Variants in CRPPA observed in about 807,000 individuals in gnomAD.
The protein encoded by CRPPA is D-ribitol-5-phosphate cytidylyltransferase.
A neutral mutation model predicts 52.0 loss-of-function variants in CRPPA; 43 were observed. The observed-to-expected ratio is 0.83, with a 90% CI of 0.65 to 1.07. The LOEUF is 1.07. CRPPA is among the 50% of genes least tolerant of loss of function. CRPPA has a pLI of 0.00. For synonymous variants in CRPPA, 250 were observed against 203.5 expected, an observed-to-expected ratio of 1.23 and a Z score of -1.94; for missense variants, 629 against 551.7, an observed-to-expected ratio of 1.14 and a Z score of -1.40.
At chr7:16,383,902 C>G (rs1182262688) in intron 2 of CRPPA, among the ~76,000 whole-genome samples, 1 of 152,190 alleles carries the variant, frequency 6.6e-6, no homozygotes, top group Admixed American at 6.5e-5. Context: ...GTCTGTCACC[C>G]CTTTCTTTGA....
intron 2 of CRPPA, among the ~76,000 whole-genome samples, chr7:16,400,070 G>A (rs1164085097): frequency 2.0e-5 from 3 of 152,084 alleles, no homozygotes; most frequent in African/African-American, 7.2e-5. Context: ...CACGTGATCG[G>A]CAACGTGTAT....
At chr7:16,319,533 T>C (rs1785213271) in intron 3 of CRPPA, among the ~76,000 whole-genome samples, 2 of 152,138 alleles carry the variant, frequency 1.3e-5, no homozygotes, top group African/African-American at 4.8e-5. Flanking sequence ...CTCCAATAGC[T>C]TTCTGTAGAG....
At chr7:16,118,798 A>G (rs1782428222) in intron 9 of CRPPA, among the ~76,000 whole-genome samples, 1 of 152,188 alleles carries the variant, frequency 6.6e-6, no homozygotes, top group Admixed American at 6.5e-5. Flanking sequence ...TATAAATCCT[A>G]GCATCATGGA....
At chr7:16,131,083 A>G (rs1343457062) in intron 9 of CRPPA, among the ~76,000 whole-genome samples, 1 of 152,232 alleles carries the variant, frequency 6.6e-6, no homozygotes, top group Admixed American at 6.5e-5. Flanking sequence ...TGTTGTTTCT[A>G]AAACCACCAA....
intron 4 of CRPPA, among the ~76,000 whole-genome samples, chr7:16,303,719 T>G (rs950385909): frequency 1.3e-5 from 2 of 152,156 alleles, no homozygotes; most frequent in African/African-American, 4.8e-5. Flanking sequence ...GCTGGATAAC[T>G]ATATAAAAAT....
intron 3 of CRPPA, among the ~76,000 whole-genome samples, chr7:16,340,086 T>G (rs1281707146): frequency 6.6e-6 from 1 of 152,094 alleles, no homozygotes; most frequent in Non-Finnish European, 1.5e-5. Context: ...ACTTTACATC[T>G]TTCACCCAAG....
chr7:16,225,764 T>A (rs1044596246), intron 8 of CRPPA, among the ~76,000 whole-genome samples: 9 of 152,076 alleles, frequency 5.9e-5, no homozygotes, highest in Admixed American at 2.0e-4. Context: ...GTTTTACAGT[T>A]TACTTCATAA....
intron 8 of CRPPA, among the ~76,000 whole-genome samples, chr7:16,251,979 T>C (rs908564262): frequency 1.3e-5 from 2 of 152,022 alleles, no homozygotes; most frequent in African/African-American, 4.8e-5. Flanking sequence ...GACAGACCGC[T>C]AGCCAGACTA....
At chr7:16,205,432 T>C (rs555098118) in intron 9 of CRPPA, among the ~76,000 whole-genome samples, 2 of 152,308 alleles carry the variant, frequency 1.3e-5, no homozygotes, top group African/African-American at 2.4e-5. Context: ...GCCAGGTCAC[T>C]TGTTAAAAAT....
intron 6 of CRPPA, among the ~76,000 whole-genome samples, chr7:16,273,572 G>C (rs1054941127): frequency 2.0e-5 from 3 of 151,848 alleles, no homozygotes; most frequent in African/African-American, 7.3e-5. Context: ...GCATCCCACT[G>C]AAAGCCACTT....
intron 9 of CRPPA, among the ~76,000 whole-genome samples, chr7:16,165,190 A>G (rs1181037192): frequency 3.3e-5 from 5 of 151,288 alleles, no homozygotes; most frequent in African/African-American, 1.2e-4. Flanking sequence ...TAATATTTAT[A>G]ATTTTTCTCT....
chr7:16,279,451 G>C (rs976549542), intron 5 of CRPPA, among the ~76,000 whole-genome samples: 6 of 152,162 alleles, frequency 3.9e-5, no homozygotes, highest in Non-Finnish European at 5.9e-5. Flanking sequence ...CTTGAATTCA[G>C]AGAAGTAATT....
At chr7:16,397,842 C>A (rs1787650586) in intron 2 of CRPPA, among the ~76,000 whole-genome samples, 1 of 152,186 alleles carries the variant, frequency 6.6e-6, no homozygotes, top group Non-Finnish European at 1.5e-5. Flanking sequence ...AAAGGATCAA[C>A]ACGTAATCAT....
At chr7:16,163,274 C>T (rs1385318294) in intron 9 of CRPPA, among the ~76,000 whole-genome samples, 4 of 151,628 alleles carry the variant, frequency 2.6e-5, no homozygotes, top group African/African-American at 4.8e-5. Flanking sequence ...GCACCTGGGC[C>T]GCTTGTCTTT....
At chr7:16,250,116 A>G (rs2128409352) in intron 8 of CRPPA, among the ~76,000 whole-genome samples, 1 of 152,366 alleles carries the variant, frequency 6.6e-6, no homozygotes, top group South Asian at 2.1e-4. Context: ...TCGATCAGGC[A>G]GAAGAAAGTA....
At chr7:16,278,270 T>G (rs1412533160) in intron 5 of CRPPA, 44 bp from the exon 6 acceptor site, 2 of 948,576 alleles carry the variant, frequency 2.1e-6, no homozygotes, top group Non-Finnish European at 1.6e-6. Context: ...ACAAAACATG[T>G]AACAAGGCCC....
At chr7:16,185,248 C>T (rs1781483828) in intron 9 of CRPPA, among the ~76,000 whole-genome samples, 1 of 152,150 alleles carries the variant, frequency 6.6e-6, no homozygotes, top group Admixed American at 6.5e-5. Context: ...CAGGGAAACT[C>T]CCCTTTATAA....
intron 5 of CRPPA, among the ~76,000 whole-genome samples, chr7:16,298,186 G>A (rs1175862665): frequency 2.6e-5 from 4 of 152,148 alleles, no homozygotes; most frequent in Non-Finnish European, 5.9e-5. Flanking sequence ...GGAGAGCATC[G>A]TAAGACTTAA....
chr7:16,336,255 T>C (rs542081482), intron 3 of CRPPA, among the ~76,000 whole-genome samples: 2 of 152,238 alleles, frequency 1.3e-5, no homozygotes, highest in East Asian at 3.9e-4. Context: ...TTAATCCCTT[T>C]TAAAAGAGTT....
Sources: allele counts gnomAD v4.1 joint callset (sites outside exome capture counted in the v4.1 genomes callset), GRCh38; gene constraint gnomAD v4.1.1; transcripts MANE v1.5; gene names NCBI Gene and HGNC (gene_info 2026-07-23, HGNC 2026-07-21).